GRM5: variants seen among roughly 807,000 people sequenced by gnomAD.
GRM5 encodes the protein glutamate metabotropic receptor 5.
In GRM5, 19 loss-of-function variants were observed where a neutral mutation model predicts 83.1. That is an observed-to-expected ratio of 0.23 (90% CI 0.16 to 0.34). The LOEUF is 0.34. GRM5 is among the 10% of genes least tolerant of loss of function. GRM5 has a pLI of 1.00. For synonymous variants in GRM5, 675 were observed against 633.6 expected, an observed-to-expected ratio of 1.07 and a Z score of -0.98; for missense variants, 1,160 against 1,588.3, an observed-to-expected ratio of 0.73 and a Z score of 4.58.
intron 1 of GRM5, among the ~76,000 whole-genome samples, chr11:89,050,696 T>C (rs1941738585): frequency 6.6e-6 from 1 of 152,084 alleles, no homozygotes; most frequent in African/African-American, 2.4e-5. Context: ...AGCAAAAACA[T>C]AAAATCAACT....
At chr11:88,992,647 GA>G (rs1940020713) in intron 2 of GRM5, among the ~76,000 whole-genome samples, 1 of 151,424 alleles carries the variant, frequency 6.6e-6, no homozygotes, top group African/African-American at 2.4e-5. Flanking sequence ...ACTAGATTAA[GA>G]AAATGTGTCA....
At chr11:88,747,097 T>C (rs1266569779) in intron 3 of GRM5, among the ~76,000 whole-genome samples, 2 of 152,204 alleles carry the variant, frequency 1.3e-5, no homozygotes, top group African/African-American at 4.8e-5. Context: ...AATGAGATAA[T>C]ATTCCATTTC....
At chr11:88,771,769 C>T (rs1432748465) in intron 3 of GRM5, among the ~76,000 whole-genome samples, 1 of 152,086 alleles carries the variant, frequency 6.6e-6, no homozygotes, top group Non-Finnish European at 1.5e-5. Flanking sequence ...GTGTGAAATA[C>T]ACTCATGGTT....
intron 4 of GRM5, among the ~76,000 whole-genome samples, chr11:88,619,270 C>T (rs1358108772): frequency 6.6e-6 from 1 of 152,156 alleles, no homozygotes; most frequent in Non-Finnish European, 1.5e-5. Flanking sequence ...TTTCAGAGAG[C>T]ATCTACTTTA....
intron 2 of GRM5, among the ~76,000 whole-genome samples, chr11:88,963,319 G>A (rs952594865): frequency 5.9e-5 from 9 of 152,104 alleles, no homozygotes; most frequent in East Asian, 3.8e-4. Context: ...ATAAAATTAC[G>A]AATTAAAAGC....
chr11:88,845,641 G>A (rs1944291563), intron 3 of GRM5, among the ~76,000 whole-genome samples: 1 of 151,590 alleles, frequency 6.6e-6, no homozygotes, highest in Admixed American at 6.6e-5. Context: ...CACCGTGTTA[G>A]CCAGGATGGT....
chr11:88,785,455 GAATA>G (rs1943051076), intron 3 of GRM5, among the ~76,000 whole-genome samples: 1 of 151,944 alleles, frequency 6.6e-6, no homozygotes, highest in African/African-American at 2.4e-5. Context: ...GTTGTTCAAA[GAATA>G]AATTGAAAAA....
intron 2 of GRM5, among the ~76,000 whole-genome samples, chr11:88,941,403 AGAGAAGAGGGGAGAAGAGGAGAAGAGAC>A (rs1328038935): frequency 7.8e-6 from 1 of 127,440 alleles, no homozygotes; most frequent in African/African-American, 2.7e-5. Context: ...GAAGAGGAGA[AGAGAAGAGGGGAGAAGAGGAGAAGAGAC>A]GAGAATAGGG....
intron 2 of GRM5, among the ~76,000 whole-genome samples, chr11:88,913,334 A>T (rs1309410746): frequency 1.3e-5 from 2 of 152,062 alleles, no homozygotes; most frequent in South Asian, 4.1e-4. Flanking sequence ...CCCTGCTCTG[A>T]GCCCAAGAAG....
intron 4 of GRM5, among the ~76,000 whole-genome samples, chr11:88,647,403 C>A (rs983633946): frequency 6.6e-6 from 1 of 152,016 alleles, no homozygotes; most frequent in South Asian, 2.1e-4. Context: ...ATTAAGATGA[C>A]GCTTTATAAA....
intron 3 of GRM5, among the ~76,000 whole-genome samples, chr11:88,672,323 A>C (rs952147190): frequency 6.6e-6 from 1 of 151,992 alleles, no homozygotes; most frequent in Non-Finnish European, 1.5e-5. Context: ...TCCAAGCCTA[A>C]GTCAAATTTG....
intron 4 of GRM5, among the ~76,000 whole-genome samples, chr11:88,648,839 T>G (rs571529375): frequency 6.6e-6 from 1 of 151,780 alleles, no homozygotes; most frequent in Non-Finnish European, 1.5e-5. Context: ...ATAAGTCATA[T>G]GTGTGACATG....
chr11:88,568,663 T>C (rs887957384), intron 7 of GRM5, among the ~76,000 whole-genome samples: 5 of 152,090 alleles, frequency 3.3e-5, no homozygotes, highest in African/African-American at 9.7e-5. Flanking sequence ...GGGTTTTGGA[T>C]GAGATAAAGG....
At chr11:88,599,111 T>C (rs1283329335) in intron 5 of GRM5, among the ~76,000 whole-genome samples, 1 of 152,220 alleles carries the variant, frequency 6.6e-6, no homozygotes, top group Non-Finnish European at 1.5e-5. Context: ...CTTGCTTAAA[T>C]ATTGTAAAAA....
chr11:89,004,221 T>G (rs1940464577), intron 2 of GRM5, among the ~76,000 whole-genome samples: 1 of 152,212 alleles, frequency 6.6e-6, no homozygotes. Context: ...GACCAAATGA[T>G]CTATTATCCT....
intron 3 of GRM5, among the ~76,000 whole-genome samples, chr11:88,837,481 T>C (rs1362125605): frequency 6.6e-6 from 1 of 152,230 alleles, no homozygotes; most frequent in Non-Finnish European, 1.5e-5. Context: ...TAAATAAAGA[T>C]CACTCTATAA....
intron 2 of GRM5, among the ~76,000 whole-genome samples, chr11:88,964,443 A>G (rs1938884791): frequency 6.6e-6 from 1 of 152,030 alleles, no homozygotes. Context: ...AGTAGTTTTG[A>G]GAACTAGAAC....
chr11:88,995,841 T>A (rs1179367124), intron 2 of GRM5, among the ~76,000 whole-genome samples: 1 of 152,038 alleles, frequency 6.6e-6, no homozygotes, highest in African/African-American at 2.4e-5. Flanking sequence ...TCTACAAATG[T>A]ATAAGAAGAA....
intron 3 of GRM5, among the ~76,000 whole-genome samples, chr11:88,690,102 C>T (rs765514879): frequency 3.3e-5 from 5 of 152,136 alleles, no homozygotes; most frequent in Non-Finnish European, 7.4e-5. Context: ...ATGTCTATAA[C>T]ACAGAGATGA....
Sources: gnomAD v4.1 joint callset for allele counts (sites outside exome capture counted in the v4.1 genomes callset) on GRCh38, gnomAD v4.1.1 for gene constraint, MANE v1.5 for transcripts, NCBI Gene and HGNC (gene_info 2026-07-23, HGNC 2026-07-21) for gene names.